The following DNAH9 variants were observed in gnomAD, a reference collection of about 807,000 sequenced individuals.
DNAH9 encodes dynein axonemal heavy chain 9.
DNAH9 carries 345 observed loss-of-function variants against 471.6 expected under a neutral mutation model. The ratio of observed to expected loss-of-function variants is 0.73; its 90% CI spans 0.67 to 0.80. The LOEUF (loss-of-function observed/expected upper bound fraction) is 0.80. DNAH9 is among the 30% of genes least tolerant of loss of function. DNAH9 has a pLI of 0.00. For synonymous variants in DNAH9, 2,093 were observed against 2,123.6 expected, an observed-to-expected ratio of 0.99 and a Z score of 0.40; for missense variants, 5,407 against 5,609.2, an observed-to-expected ratio of 0.96 and a Z score of 1.15.
chr17:11,968,880 C>G (rs912716089), intron 68 of DNAH9, among the ~76,000 whole-genome samples: 1 of 152,214 alleles, frequency 6.6e-6, no homozygotes, highest in African/African-American at 2.4e-5. Flanking sequence ...GAAACAGAAA[C>G]AGGACATAAC....
chr17:11,954,797 A>AATTTCTT (rs1028299158), intron 67 of DNAH9, among the ~76,000 whole-genome samples: 2 of 151,550 alleles, frequency 1.3e-5, no homozygotes, highest in African/African-American at 2.4e-5. Context: ...AAGAGAGAGA[A>AATTTCTT]AGAAATTTCT....
chr17:11,664,847 A>G lies in DNAH9; in HGVS notation c.2610A>G (p.Leu870=), dbSNP rs745524038. 6.2e-7 allele frequency: 1 copy of G among 1,612,740 alleles called. No individual in the cohort carries two copies. The highest frequency in any genetic ancestry group is 8.5e-7 in the Non-Finnish European group (1 of 1,179,014). Residue 870 remains leucine, a synonymous_variant, in exon 15 of 69, where the codon CTA becomes CTG. Coordinates refer to ENST00000262442, the MANE Select transcript of DNAH9 (RefSeq NM_001372.4). ...TCCTTTTATAGGAAAACCTGGGTCT[A>G]TTTTCAGCAGACCCAACCTCCAATA... ...IHALVQENLG[L]FSADPTSNIW...
Position 11,690,385 on chromosome 17 carries a change from C to T in DNAH9, c.4563C>T (p.His1521=). 6.2e-7 allele frequency: 1 copy of T among 1,614,152 alleles called. No individual in the cohort carries two copies. Among genetic ancestry groups the T allele is most frequent in the East Asian group, 2.2e-5 (1 of 44,862 alleles). Reference sequence around the variant, plus strand: ...TTGAAGTGCAGCGAACATGGACTCACCTGGAAAGCATATTCACTGGATCTG... The same window carrying T: ...TTGAAGTGCAGCGAACATGGACTCATCTGGAAAGCATATTCACTGGATCTG... The part of the protein sequence containing the change: ...IWFEVQRTWT[H]LESIFTGSED... Residue 1521 remains histidine, a synonymous_variant, in exon 20 of 69, where the codon CAC becomes CAT. Transcript: ENST00000262442.
At position 11,611,828 on chromosome 17, in the gene DNAH9, G is replaced by A. The variant is rs202231210; in HGVS notation, c.904+48G>A. 7.3e-5 allele frequency: 116 copies of A among 1,586,328 alleles called. No individual in the cohort carries two copies. The African/African-American group carries it at 8.7e-4, about 12-fold the overall frequency. ...ACAAATGTGTTTGACTCAAGTTACC[G>A]TCGAATGATGCATTCACCTCTCTCT... On this transcript the variant is annotated intron_variant, in intron 4 of 68. Transcript: ENST00000262442.
chr17:11,727,783 C>T (rs112028038), intron 27 of DNAH9, 35 bp from the exon 28 acceptor site: 25 of 1,435,766 alleles, frequency 1.7e-5, no homozygotes, highest in African/African-American at 5.6e-5. Flanking sequence ...AAGCCTGGCC[C>T]GTTGGTAATT....
chr17:11,701,742 G>A (rs1444823420), intron 24 of DNAH9, among the ~76,000 whole-genome samples: 6 of 152,276 alleles, frequency 3.9e-5, no homozygotes, highest in Admixed American at 2.0e-4. Flanking sequence ...GCAGTGCCAC[G>A]ATGTCGGCTC....
intron 30 of DNAH9, among the ~76,000 whole-genome samples, chr17:11,743,379 A>C (rs997980427): frequency 6.6e-6 from 1 of 152,194 alleles, no homozygotes; most frequent in African/African-American, 2.4e-5. Flanking sequence ...CTTTTGCTTA[A>C]ACTATTGCAA....
chr17:11,872,024 A>G (rs1021279095), intron 52 of DNAH9, among the ~76,000 whole-genome samples: 2 of 152,136 alleles, frequency 1.3e-5, no homozygotes, highest in African/African-American at 4.8e-5. Context: ...CTCCATGGGA[A>G]CACTAGTCCT....
At chr17:11,799,270 C>T (rs1198806040) in intron 43 of DNAH9, among the ~76,000 whole-genome samples, 4 of 152,130 alleles carry the variant, frequency 2.6e-5, no homozygotes, top group Non-Finnish European at 5.9e-5. Flanking sequence ...AACTTCAAGA[C>T]TTCATTCATT....
chr17:11,890,411 G>C (rs968640059), intron 57 of DNAH9, among the ~76,000 whole-genome samples: 1 of 152,170 alleles, frequency 6.6e-6, no homozygotes, highest in Non-Finnish European at 1.5e-5. Context: ...CAAAGCCTTT[G>C]TTAACAAGAA....
intron 20 of DNAH9, among the ~76,000 whole-genome samples, chr17:11,693,209 A>T (rs1398875084): frequency 7.8e-6 from 1 of 127,574 alleles, no homozygotes; most frequent in Non-Finnish European, 1.6e-5. Flanking sequence ...CACCGCGCCC[A>T]GCTTATTATT....
chr17:11,828,522 T>C (rs1176402502), intron 48 of DNAH9, among the ~76,000 whole-genome samples: 1 of 151,418 alleles, frequency 6.6e-6, no homozygotes, highest in African/African-American at 2.4e-5. Context: ...CATTAAATAT[T>C]TGTTGAATGA....
intron 36 of DNAH9, among the ~76,000 whole-genome samples, chr17:11,767,632 G>C (rs536794751): frequency 1.3e-5 from 2 of 151,864 alleles, no homozygotes; most frequent in Non-Finnish European, 2.9e-5. Context: ...TCTTAGTTCA[G>C]TGTGTTTAAA....
At chr17:11,708,006 CACACACACAG>C (rs1355679851) in intron 26 of DNAH9, among the ~76,000 whole-genome samples, 66 of 48,260 alleles carry the variant, frequency 1.4e-3, no homozygotes, top group African/African-American at 3.2e-3. Context: ...CACACACACA[CACACACACAG>C]AGAGAGAGAG....
rs142654154 is a variant in DNAH9 at position 11,893,847 on chromosome 17, C to T, written c.11284-527C>T. On this transcript the variant is annotated intron_variant, in intron 58 of 68. Transcript: ENST00000262442. ...CATCTATGTAACAAACCTGCACGTT[C>T]TGCACATGTATCCCAGAACTTAAAG... is the stretch of plus-strand genomic sequence containing the variant. 8.5e-3 allele frequency among the ~76,000 whole-genome samples: 1,288 copies of T among 152,276 alleles called. 14 individuals carry two copies. The highest frequency in any genetic ancestry group is 0.03 in the African/African-American group (1,240 of 41,542).
At chr17:11,673,605 T>G (rs1394878568) in intron 17 of DNAH9, among the ~76,000 whole-genome samples, 1 of 151,264 alleles carries the variant, frequency 6.6e-6, no homozygotes, top group African/African-American at 2.4e-5. Flanking sequence ...ATATTTGTTT[T>G]TTTTTTTTTT....
intron 27 of DNAH9, among the ~76,000 whole-genome samples, chr17:11,727,617 G>T (rs2150814144): frequency 6.6e-6 from 1 of 152,250 alleles, no homozygotes; most frequent in African/African-American, 2.4e-5. Flanking sequence ...TCTTGAAAAG[G>T]TTCTGTTTAA....
At chr17:11,756,815 ATGT>A (rs1395218459) in intron 34 of DNAH9, 139 bp downstream of exon 34, 1 of 642,978 alleles carries the variant, frequency 1.6e-6, no homozygotes, top group African/African-American at 1.8e-5. Context: ...GAATTTGGAA[ATGT>A]TGTGGTAATA....
In DNAH9 at chr17:11,644,227, C is replaced by T. The variant is rs371894038; in HGVS notation, c.1902-404C>T. Among the ~76,000 whole-genome samples the T allele has an allele frequency of 3.4e-3, 518 of 152,238 alleles. 31 individuals carry two copies. In the South Asian group the frequency reaches 0.091, roughly 27 times the overall value. ...CGTGTATATATGTTGACCAAAATGC[C>T]ATTATGTGGTGCATGACTGTATATA... On this transcript the variant is annotated intron_variant, in intron 10 of 68. Transcript: ENST00000262442.
Sources: gnomAD v4.1 joint callset for allele counts (sites outside exome capture counted in the v4.1 genomes callset) on GRCh38, gnomAD v4.1.1 for gene constraint, MANE v1.5 for transcripts, NCBI Gene and HGNC (gene_info 2026-07-23, HGNC 2026-07-21) for gene names.